Variants in TCEA1 observed in about 807,000 individuals in gnomAD.
The protein encoded by TCEA1 is transcription elongation factor A protein 1.
A neutral mutation model predicts 43.8 loss-of-function variants in TCEA1; 21 were observed. That is an observed-to-expected ratio of 0.48 (90% CI 0.34 to 0.69). The LOEUF is 0.69. Among genes scored for constraint, TCEA1 ranks in the 30% least tolerant of loss-of-function variants. The pLI is 0.01. For missense variants in TCEA1, 250 were observed against 365.1 expected (o/e 0.68, Z 2.57); for synonymous variants, 104 against 117.5 (o/e 0.88, Z 0.75).
At chr8:54,014,695 A>G (rs1804765601) in intron 1 of TCEA1, among the ~76,000 whole-genome samples, 1 of 152,210 alleles carries the variant, frequency 6.6e-6, no homozygotes, top group Non-Finnish European at 1.5e-5. Flanking sequence ...TATACTCAAG[A>G]CCATGTAGGA....
intron 3 of TCEA1, among the ~76,000 whole-genome samples, chr8:53,999,204 A>C (rs970680728): frequency 3.4e-5 from 5 of 146,226 alleles, no homozygotes; most frequent in Non-Finnish European, 7.5e-5. Context: ...CAGCCTGGGC[A>C]ACAGAGTGAG....
At chr8:54,008,654 C>T (rs1804553807) in intron 2 of TCEA1, among the ~76,000 whole-genome samples, 1 of 127,916 alleles carries the variant, frequency 7.8e-6, no homozygotes, top group African/African-American at 3.4e-5. Flanking sequence ...CAACAGAGAC[C>T]TTATCTTAAA....
intron 7 of TCEA1, among the ~76,000 whole-genome samples, chr8:53,979,581 C>G (rs1222230037): frequency 6.6e-6 from 1 of 152,176 alleles, no homozygotes; most frequent in African/African-American, 2.4e-5. Flanking sequence ...CAGTCCTTCC[C>G]TAAAATCGAT....
chr8:53,984,423 T>G lies in TCEA1; in HGVS notation c.618A>C (p.Leu206Phe). Residue 206 changes from leucine (L) to phenylalanine (F), a missense_variant, in exon 7 of 10, where the codon TTA becomes TTC. Leu to Phe is a conservative substitution (Grantham distance 22, BLOSUM62 0). Coordinates refer to ENST00000521604, the MANE Select transcript of TCEA1 (RefSeq NM_006756.4). ...TATTCCCACAGAGGACATTTTTCCT[T>G]AAATTTGGATTTTTTGCATCTTTAA... ...SNLKDAKNPN[L>F]RKNVLCGNIP... is the part of the protein sequence containing the mutation. The G allele has an allele frequency of 6.2e-7, 1 of 1,605,338 alleles. No homozygotes were observed. Among genetic ancestry groups the G allele is most frequent in the Non-Finnish European group, 8.5e-7 (1 of 1,176,970 alleles).
intron 1 of TCEA1, among the ~76,000 whole-genome samples, chr8:54,014,987 TGAG>T (rs1433820024): frequency 6.6e-6 from 1 of 152,162 alleles, no homozygotes; most frequent in African/African-American, 2.4e-5. Context: ...GCATGGTTGA[TGAG>T]GAGTACAAAA....
At chr8:53,987,891 G>A (rs1048648103) in intron 5 of TCEA1, among the ~76,000 whole-genome samples, 1 of 152,118 alleles carries the variant, frequency 6.6e-6, no homozygotes, top group Non-Finnish European at 1.5e-5. Flanking sequence ...TGTATTAGAG[G>A]GAATCTATTT....
intron 7 of TCEA1, among the ~76,000 whole-genome samples, chr8:53,980,549 C>T (rs1316823403): frequency 6.6e-6 from 1 of 152,168 alleles, no homozygotes; most frequent in African/African-American, 2.4e-5. Flanking sequence ...AATCTGTGAT[C>T]AGTAATTTCT....
rs564538090 is a variant in TCEA1 at position 54,016,684 on chromosome 8, C to T, written c.63+5379G>A. On this transcript the variant is annotated intron_variant, in intron 1 of 9. Transcript: ENST00000521604. ...TGAAACCCTGTCTCTACTAAAAATACAAAAATCAGGCCAGGCGGTGTGGCT... is the reference window on the plus strand; with the variant it reads ...TGAAACCCTGTCTCTACTAAAAATATAAAAATCAGGCCAGGCGGTGTGGCT... Among the ~76,000 whole-genome samples, 7 of 151,250 alleles carry T rather than the reference C, an allele frequency of 4.6e-5. No homozygotes were observed. The South Asian group carries it at 1.5e-3, about 32-fold the overall frequency.
chr8:54,014,453 AAAAAG>A (rs1289158917), intron 1 of TCEA1, among the ~76,000 whole-genome samples: 6 of 152,178 alleles, frequency 3.9e-5, no homozygotes, highest in Non-Finnish European at 7.3e-5. Context: ...CTATTTAAAA[AAAAAG>A]AAAAGAAAAG....
At chr8:53,998,049 T>C (rs1804121891) in intron 3 of TCEA1, among the ~76,000 whole-genome samples, 1 of 152,244 alleles carries the variant, frequency 6.6e-6, no homozygotes, top group Admixed American at 6.5e-5. Flanking sequence ...TTGTATAACA[T>C]ATCCAAGTTC....
At chr8:54,016,941 T>C (rs1804847842) in intron 1 of TCEA1, among the ~76,000 whole-genome samples, 1 of 128,692 alleles carries the variant, frequency 7.8e-6, no homozygotes, top group African/African-American at 3.0e-5. Flanking sequence ...GCCACTGCAC[T>C]CCAGCCTGAG....
chr8:53,987,159 G>A lies in TCEA1; in HGVS notation c.467-134C>T, dbSNP rs183776097. ...ATAAAGAAACCGTTCAGTTTAGTTCGTTAGAATCTGATCACTTCACTGCCC... is the reference window on the plus strand; with the variant it reads ...ATAAAGAAACCGTTCAGTTTAGTTCATTAGAATCTGATCACTTCACTGCCC... On this transcript the variant is annotated intron_variant, in intron 5 of 9. Coordinates refer to ENST00000521604, the MANE Select transcript of TCEA1 (RefSeq NM_006756.4). 3.7e-5 allele frequency: 28 copies of A among 747,358 alleles called. 1 individual carries two copies. The highest frequency in any genetic ancestry group is 4.3e-5 in the Non-Finnish European group (19 of 445,880). The allele number at this position is 747,358 out of a possible 1,614,324, so 46.3% of individuals were successfully genotyped here.
chr8:54,004,083 T>A (rs1464666887), intron 2 of TCEA1, among the ~76,000 whole-genome samples: 2 of 152,140 alleles, frequency 1.3e-5, no homozygotes. Context: ...AAAGCTACAA[T>A]GAAATACCAC....
intron 1 of TCEA1, among the ~76,000 whole-genome samples, chr8:54,011,423 T>C (rs1804648112): frequency 6.6e-6 from 1 of 152,212 alleles, no homozygotes; most frequent in African/African-American, 2.4e-5. Flanking sequence ...AGTCATTTGG[T>C]TCCTCAGGAT....
At chr8:54,014,736 A>G (rs1238235044) in intron 1 of TCEA1, among the ~76,000 whole-genome samples, 1 of 152,250 alleles carries the variant, frequency 6.6e-6, no homozygotes, top group Admixed American at 6.5e-5. Context: ...AGGAGATGTA[A>G]AAAGGAGGGA....
At chr8:53,970,561 T>C in intron 8 of TCEA1, 98 bp from the exon 9 acceptor site, 1 of 620,316 alleles carries the variant, frequency 1.6e-6, no homozygotes, top group Non-Finnish European at 2.8e-6. Context: ...ATAAATATAA[T>C]GGTACCACAA....
Position 53,988,171 on chromosome 8 carries a change from A to C in TCEA1, c.409T>G (p.Ser137Ala), listed in dbSNP as rs780873013. Residue 137 changes from serine (S) to alanine (A), a missense_variant, in exon 5 of 10, where the codon TCT becomes GCT. Ser to Ala is a moderately conservative substitution (Grantham distance 99, BLOSUM62 1). This residue lies in a region of TCEA1 where 147 missense variants were observed against 160.3 expected (regional missense o/e 0.92). Coordinates refer to ENST00000521604, the MANE Select transcript of TCEA1 (RefSeq NM_006756.4). ...VSSFPRAPST[S>A]DSVRLKCREM... ...CTACACTTCAACCGCACAGAATCAG[A>C]AGTGCTTGGTGCCCGAGGAAAGGAT... 1.2e-6 allele frequency: 2 copies of C among 1,613,032 alleles called. No individual in the cohort carries two copies. Among genetic ancestry groups the C allele is most frequent in the South Asian group, 2.2e-5 (2 of 90,910 alleles).
chr8:53,969,404 C>G (rs1803089562), intron 9 of TCEA1, among the ~76,000 whole-genome samples: 1 of 151,952 alleles, frequency 6.6e-6, no homozygotes, highest in South Asian at 2.1e-4. Context: ...GCCCAAATGG[C>G]TTCTAGTTCA....
chr8:54,021,552 GCA>G (rs1805031797), intron 1 of TCEA1: 1 of 152,354 alleles, frequency 6.6e-6, no homozygotes, highest in African/African-American at 2.4e-5. Context: ...CAAACATGTA[GCA>G]CAGTTGAGAT....
Sources: gnomAD v4.1 joint callset for allele counts (sites outside exome capture counted in the v4.1 genomes callset) on GRCh38, gnomAD v4.1.1 for gene constraint, gnomAD v4.1.1 regional missense constraint, MANE v1.5 for transcripts, NCBI Gene and HGNC (gene_info 2026-07-23, HGNC 2026-07-21) for gene names.